Variants in FOXK1 observed in about 807,000 individuals in gnomAD.
FOXK1 encodes the protein forkhead box protein K1.
In FOXK1, 19 loss-of-function variants were observed where a neutral mutation model predicts 51.9. That is an observed-to-expected ratio of 0.37 (90% CI 0.26 to 0.54). FOXK1 has a LOEUF of 0.54. Among genes scored for constraint, FOXK1 ranks in the 20% least tolerant of loss-of-function variants. The probability of loss-of-function intolerance (pLI) is 0.87; values close to 1 mark genes in which losing one functional copy is unlikely to be tolerated. For synonymous variants in FOXK1, 537 were observed against 482.6 expected, an observed-to-expected ratio of 1.11 and a Z score of -1.48; for missense variants, 870 against 1,032.7, an observed-to-expected ratio of 0.84 and a Z score of 2.16.
chr7:4,698,683 G>T (rs1421320826), intron 1 of FOXK1, among the ~76,000 whole-genome samples: 2 of 152,014 alleles, frequency 1.3e-5, no homozygotes, highest in African/African-American at 2.4e-5. Flanking sequence ...CTCCTGAGTG[G>T]CTGGGACTAC....
chr7:4,732,371 C>T (rs767625936), intron 1 of FOXK1, among the ~76,000 whole-genome samples: 14 of 152,296 alleles, frequency 9.2e-5, no homozygotes, highest in Middle Eastern at 3.4e-3. Context: ...TAGCCCACTG[C>T]GGCCTCCGCT....
At chr7:4,740,438 AAAAT>A (rs1780618265) in intron 1 of FOXK1, among the ~76,000 whole-genome samples, 1 of 147,378 alleles carries the variant, frequency 6.8e-6, no homozygotes, top group Non-Finnish European at 1.5e-5. Flanking sequence ...TCAAAAAAAA[AAAAT>A]AAATAAAAAA....
chr7:4,699,174 T>C (rs778498585), intron 1 of FOXK1, among the ~76,000 whole-genome samples: 4 of 152,162 alleles, frequency 2.6e-5, no homozygotes, highest in Non-Finnish European at 4.4e-5. Context: ...AGGCCAGTTA[T>C]GTTCTGGGCT....
At chr7:4,728,748 A>AAAAG (rs1405229020) in intron 1 of FOXK1, among the ~76,000 whole-genome samples, 35 of 148,840 alleles carry the variant, frequency 2.4e-4, no homozygotes, top group Admixed American at 2.7e-4. Flanking sequence ...AAAAAAAAAA[A>AAAAG]AAAGAAAGAA....
At chr7:4,740,348 T>G (rs1025507576) in intron 1 of FOXK1, among the ~76,000 whole-genome samples, 18 of 151,462 alleles carry the variant, frequency 1.2e-4, no homozygotes, top group Non-Finnish European at 2.4e-4. Flanking sequence ...GAGAATGGTG[T>G]GAACCCAGGA....
At position 4,748,901 on chromosome 7, in the gene FOXK1, A is replaced by C; in HGVS notation, c.747-5558A>C. ...CCCATGTTGCCCAGGCTGGTCTTGAACTCCTGTGCTCAAGTTATCTGCCCA... is the reference window on the plus strand; with the variant it reads ...CCCATGTTGCCCAGGCTGGTCTTGACCTCCTGTGCTCAAGTTATCTGCCCA... On this transcript the variant is annotated intron_variant, in intron 2 of 8. Transcript: ENST00000328914. The surrounding 1 kb of genome is among the most constrained non-coding windows in gnomAD (Gnocchi z 4.9). Among the ~76,000 whole-genome samples, 1 of 151,338 alleles carries C rather than the reference A, an allele frequency of 6.6e-6. No individual in the cohort carries two copies. Among genetic ancestry groups the C allele is most frequent in the African/African-American group, 2.4e-5 (1 of 41,116 alleles).
chr7:4,697,885 C>G (rs967182880), intron 1 of FOXK1, among the ~76,000 whole-genome samples: 1 of 151,450 alleles, frequency 6.6e-6, no homozygotes, highest in South Asian at 2.1e-4. Context: ...AGTGCAGTGG[C>G]GTGATCTCAG....
At position 4,759,496 on chromosome 7, in the gene FOXK1, AACTCGGCCAACGGAT is replaced by A. The variant is rs1218583273; in HGVS notation, c.1600_1614del (p.Ser534_Tyr538del). On this transcript the variant is annotated inframe_deletion, in exon 7 of 9. Coordinates refer to ENST00000328914, the MANE Select transcript of FOXK1 (RefSeq NM_001037165.2). ...GGTCAGGGTGGTCACCACATCTGCC[AACTCGGCCAACGGAT>A]ACATCCTCACCAGCCAGGGCGCGGC... The A allele has an allele frequency of 6.3e-7, 1 of 1,578,966 alleles. No individual in the cohort carries two copies. Among genetic ancestry groups the A allele is most frequent in the Admixed American group, 1.8e-5 (1 of 56,332 alleles).
chr7:4,761,064 G>C lies in FOXK1; in HGVS notation c.1697G>C (p.Gly566Ala). The change falls in exon 8 of 9, where the codon GGC (glycine) becomes GCC (alanine). Residue 566 changes from glycine (G) to alanine (A), a missense_variant and splice_region_variant. By Grantham distance (60) the Gly-to-Ala change is moderately conservative. This residue lies in a region of FOXK1 where 457 missense variants were observed against 510.8 expected (regional missense o/e 0.89). Coordinates refer to ENST00000328914, the MANE Select transcript of FOXK1 (RefSeq NM_001037165.2). This position sits in a 1 kb window ranked among gnomAD's most constrained non-coding sequence, Gnocchi z 6.2. ...TGCTGACTTGGTTCCTGTCCCGCAGGCCTGGAGGAGAAACCCACCATTGCG... is the reference window on the plus strand; with the variant it reads ...TGCTGACTTGGTTCCTGTCCCGCAGCCCTGGAGGAGAAACCCACCATTGCG... ...AVLDLGSEAR[G>A]LEEKPTIAFA... The C allele has an allele frequency of 3.1e-6, 5 of 1,610,850 alleles. No homozygotes were observed. Among genetic ancestry groups the C allele is most frequent in the Non-Finnish European group, 4.2e-6 (5 of 1,178,132 alleles).
intron 1 of FOXK1, among the ~76,000 whole-genome samples, chr7:4,712,563 C>T (rs76906852): frequency 6.1e-4 from 93 of 152,248 alleles, no homozygotes; most frequent in African/African-American, 2.1e-3. Context: ...AGAAGGAACA[C>T]GGAGAGTTGT....
intron 1 of FOXK1, among the ~76,000 whole-genome samples, chr7:4,700,543 G>T (rs1210277555): frequency 6.6e-6 from 1 of 152,154 alleles, no homozygotes; most frequent in Non-Finnish European, 1.5e-5. Flanking sequence ...GGCTCAGTGG[G>T]ATTACACCTG....
intron 1 of FOXK1, among the ~76,000 whole-genome samples, chr7:4,732,514 G>A (rs1027710374): frequency 9.2e-5 from 14 of 152,024 alleles, no homozygotes; most frequent in African/African-American, 2.9e-4. Context: ...GGCTGATCTC[G>A]AACTCCTAGG....
intron 1 of FOXK1, among the ~76,000 whole-genome samples, chr7:4,687,260 ATC>A: frequency 6.7e-6 from 1 of 150,136 alleles, no homozygotes; most frequent in Non-Finnish European, 1.5e-5. Flanking sequence ...TAGTTAATGT[ATC>A]CAACTGAATT....
At position 4,748,290 on chromosome 7, in the gene FOXK1, A is replaced by G. The variant is rs1780731839; in HGVS notation, c.747-6169A>G. Among the ~76,000 whole-genome samples the G allele has an allele frequency of 6.6e-6, 1 of 152,174 alleles. No individual in the cohort carries two copies. The highest frequency in any genetic ancestry group is 2.4e-5 in the African/African-American group (1 of 41,442). On this transcript the variant is annotated intron_variant, in intron 2 of 8. Coordinates refer to ENST00000328914, the MANE Select transcript of FOXK1 (RefSeq NM_001037165.2). The surrounding 1 kb of genome is among the most constrained non-coding windows in gnomAD (Gnocchi z 4.9). ...GACTGTCTCTTGGTTTTTCCGTTTT[A>G]GATATTACACATGAGGTTCCTATAT... is the stretch of plus-strand genomic sequence containing the variant.
intron 1 of FOXK1, among the ~76,000 whole-genome samples, chr7:4,692,354 T>A (rs1458094032): frequency 6.6e-6 from 1 of 152,206 alleles, no homozygotes; most frequent in Admixed American, 6.5e-5. Flanking sequence ...TTGTGGATGT[T>A]CCTTGAGACC....
At chr7:4,751,882 A>G (rs1250436145) in intron 2 of FOXK1, among the ~76,000 whole-genome samples, 1 of 152,216 alleles carries the variant, frequency 6.6e-6, no homozygotes, top group Non-Finnish European at 1.5e-5. Flanking sequence ...GGCTTCGCCA[A>G]CCTTTCTTAT....
rs1781028205 is a variant in FOXK1 at position 4,767,387 on chromosome 7, T to TGGCTGCGGTAGGTA, written c.*4924_*4925insGCTGCGGTAGGTAG. Reference sequence around the variant, plus strand: ...GGCGGCCTGGCTGCGGTAGGTCTGCTGCAAGGAGCCACCACGGGGACTGCG... The same window carrying TGGCTGCGGTAGGTA: ...GGCGGCCTGGCTGCGGTAGGTCTGCTGGCTGCGGTAGGTAGCAAGGAGCCACCACGGGGACTGCG... On this transcript the variant is annotated 3_prime_UTR_variant, in exon 9 of 9. Coordinates refer to ENST00000328914, the MANE Select transcript of FOXK1 (RefSeq NM_001037165.2). The surrounding 1 kb of genome is among the most constrained non-coding windows in gnomAD (Gnocchi z 6.6). 6.6e-6 allele frequency: 1 copy of TGGCTGCGGTAGGTA among 152,290 alleles called. No individual in the cohort carries two copies. The highest frequency in any genetic ancestry group is 1.5e-5 in the Non-Finnish European group (1 of 68,066). 9.4% of individuals were successfully genotyped at this position (152,290 alleles called of 1,614,324 possible).
chr7:4,705,642 T>C (rs1780079377), intron 1 of FOXK1, among the ~76,000 whole-genome samples: 1 of 150,474 alleles, frequency 6.6e-6, no homozygotes, highest in Non-Finnish European at 1.5e-5. Flanking sequence ...ATTGAAGCAA[T>C]TCTCCTGCCT....
chr7:4,713,352 C>T (rs910977144), intron 1 of FOXK1, among the ~76,000 whole-genome samples: 1 of 152,138 alleles, frequency 6.6e-6, no homozygotes, highest in African/African-American at 2.4e-5. Flanking sequence ...CTGGGATTCC[C>T]GCTCACTGGG....
Sources: gnomAD v4.1 joint callset for allele counts (sites outside exome capture counted in the v4.1 genomes callset) on GRCh38, gnomAD v4.1.1 for gene constraint, gnomAD v4.1.1 regional missense constraint, Gnocchi (gnomAD v3.1) non-coding constraint, MANE v1.5 for transcripts, NCBI Gene and HGNC (gene_info 2026-07-23, HGNC 2026-07-21) for gene names.